RAP1GDS1: variants seen among roughly 807,000 people sequenced by gnomAD.
The protein encoded by RAP1GDS1 is RAP1, GTP-GDP dissociation stimulator 1.
Under a neutral mutation model 71.1 loss-of-function variants are expected in RAP1GDS1, and 35 were observed. That is an observed-to-expected ratio of 0.49 (90% CI 0.38 to 0.65). RAP1GDS1 has a LOEUF of 0.65. RAP1GDS1 is among the 30% of genes least tolerant of loss of function. The pLI is 0.00. For synonymous variants in RAP1GDS1, 229 were observed against 243.1 expected (o/e 0.94, Z 0.54); for missense variants, 663 against 706.1 (o/e 0.94, Z 0.69).
chr4:98,411,927 G>A (rs760642338), intron 7 of RAP1GDS1, among the ~76,000 whole-genome samples: 11 of 152,194 alleles, frequency 7.2e-5, no homozygotes, highest in Admixed American at 1.3e-4. Context: ...CCAAGGAAAC[G>A]CCCTACTTTT....
In RAP1GDS1 at chr4:98,418,732, A is replaced by T. The variant is rs777696973; in HGVS notation, c.1115A>T (p.Asp372Val). Reference sequence around the variant, plus strand: ...GATTTACTGGACAGACATGTAGAAGATGGAAATGTAACAGTACAGCATGCA... The same window carrying T: ...GATTTACTGGACAGACATGTAGAAGTTGGAAATGTAACAGTACAGCATGCA... ...LMDLLDRHVE[D>V]GNVTVQHAAL... Residue 372 changes from aspartate to valine, a missense_variant, in exon 10 of 15, where the codon GAT (aspartate) becomes GTT (valine). Asp to Val is a radical substitution (Grantham distance 152, BLOSUM62 -3). Transcript: ENST00000408927. 3.1e-6 allele frequency: 5 copies of T among 1,613,002 alleles called. No homozygotes were observed. Among genetic ancestry groups the T allele is most frequent in the Admixed American group, 3.3e-5 (2 of 59,894 alleles).
chr4:98,385,612 C>T lies in RAP1GDS1; in HGVS notation c.509-6340C>T, dbSNP rs562263597. ...TGTTTTTTTAACTATAAGTAAAATC[C>T]AGTTAATACTGTACTGCCTATATTG... On this transcript the variant is annotated intron_variant, in intron 5 of 14. Coordinates refer to ENST00000408927, the MANE Select transcript of RAP1GDS1 (RefSeq NM_001100427.2). Among the ~76,000 whole-genome samples, 3 of 151,810 alleles carry T rather than the reference C, an allele frequency of 2.0e-5. 1 individual carries two copies. In the East Asian group the frequency reaches 5.8e-4, roughly 29 times the overall value.
intron 3 of RAP1GDS1, among the ~76,000 whole-genome samples, chr4:98,344,597 G>C (rs1410744462): frequency 6.6e-6 from 1 of 151,974 alleles, no homozygotes; most frequent in African/African-American, 2.4e-5. Context: ...ACTCTGCTTT[G>C]AAGAGTTTCT....
chr4:98,355,025 T>A (rs1737744974), intron 4 of RAP1GDS1, among the ~76,000 whole-genome samples: 2 of 152,232 alleles, frequency 1.3e-5, no homozygotes, highest in South Asian at 4.1e-4. Flanking sequence ...GTGATTTTTC[T>A]AGAATGATTG....
intron 2 of RAP1GDS1, among the ~76,000 whole-genome samples, chr4:98,322,150 A>G (rs1732039963): frequency 1.1e-5 from 1 of 92,216 alleles, no homozygotes; most frequent in Non-Finnish European, 2.2e-5. Flanking sequence ...CTTTAAACCA[A>G]CAAAGATCAA....
intron 4 of RAP1GDS1, among the ~76,000 whole-genome samples, chr4:98,370,583 T>TA (rs1263895582): frequency 6.6e-6 from 1 of 151,268 alleles, no homozygotes; most frequent in East Asian, 1.9e-4. Flanking sequence ...TTTTTTTTTT[T>TA]AACAGAGTCT....
At chr4:98,344,072 A>G (rs1324143678) in intron 3 of RAP1GDS1, among the ~76,000 whole-genome samples, 6 of 152,300 alleles carry the variant, frequency 3.9e-5, no homozygotes, top group African/African-American at 1.4e-4. Context: ...GTACCAGTAT[A>G]TGTTGGTTTG....
At chr4:98,279,947 T>C (rs1289823971) in intron 1 of RAP1GDS1, among the ~76,000 whole-genome samples, 1 of 152,252 alleles carries the variant, frequency 6.6e-6, no homozygotes, top group Non-Finnish European at 1.5e-5. Context: ...CTCATCCTCT[T>C]TTATGGCTGC....
chr4:98,386,464 G>A (rs1046962877), intron 5 of RAP1GDS1, among the ~76,000 whole-genome samples: 1 of 151,696 alleles, frequency 6.6e-6, no homozygotes, highest in African/African-American at 2.4e-5. Flanking sequence ...TCAGAACCCA[G>A]AAAGAACCTT....
At chr4:98,327,927 T>C (rs2110359207) in intron 2 of RAP1GDS1, among the ~76,000 whole-genome samples, 1 of 152,318 alleles carries the variant, frequency 6.6e-6, no homozygotes, top group African/African-American at 2.4e-5. Context: ...GAGTTGTACT[T>C]CTGCAAAAAT....
chr4:98,282,524 C>A (rs59725407), intron 1 of RAP1GDS1, among the ~76,000 whole-genome samples: 4 of 150,224 alleles, frequency 2.7e-5, no homozygotes, highest in Admixed American at 6.6e-5. Context: ...GTCTTGCTAG[C>A]GGTCTATCAA....
At chr4:98,395,848 G>A (rs960744351) in intron 6 of RAP1GDS1, 18 of 152,156 alleles carry the variant, frequency 1.2e-4, no homozygotes, top group African/African-American at 4.3e-4. Context: ...TGGGAAATGG[G>A]AGTGTATGAA....
intron 12 of RAP1GDS1, among the ~76,000 whole-genome samples, chr4:98,426,781 A>C (rs1455081453): frequency 2.0e-5 from 3 of 152,194 alleles, no homozygotes; most frequent in Admixed American, 2.0e-4. Flanking sequence ...GCTGAATTCC[A>C]CCAGACATTC....
intron 1 of RAP1GDS1, among the ~76,000 whole-genome samples, chr4:98,265,844 G>C (rs1722653179): frequency 6.6e-6 from 1 of 152,112 alleles, no homozygotes; most frequent in African/African-American, 2.4e-5. Context: ...GATAGGGACT[G>C]AGAACAGGCT....
At chr4:98,343,441 C>G (rs985020978) in intron 3 of RAP1GDS1, 180 bp downstream of exon 3, 2 of 690,470 alleles carry the variant, frequency 2.9e-6, no homozygotes, top group African/African-American at 1.8e-5. Flanking sequence ...GTCATTCATA[C>G]CTGTCCCATC....
chr4:98,388,694 C>T (rs1367912015), intron 5 of RAP1GDS1, among the ~76,000 whole-genome samples: 1 of 152,160 alleles, frequency 6.6e-6, no homozygotes, highest in Non-Finnish European at 1.5e-5. Flanking sequence ...CCACCGCACT[C>T]CAGCCTGAGC....
At chr4:98,439,915 A>T (rs562730391) in intron 14 of RAP1GDS1, among the ~76,000 whole-genome samples, 1 of 152,198 alleles carries the variant, frequency 6.6e-6, no homozygotes, top group Admixed American at 6.5e-5. Flanking sequence ...TTGCTGTGCA[A>T]TCATCACCAG....
rs397994660 is a variant in RAP1GDS1 at position 98,443,015 on chromosome 4, ATTTTTT to A, written c.*916_*921del. On this transcript the variant is annotated 3_prime_UTR_variant, in exon 15 of 15. Coordinates refer to ENST00000408927, the MANE Select transcript of RAP1GDS1 (RefSeq NM_001100427.2). ...TGAGTATAGTTCATTGAAGAATGGA[ATTTTTT>A]TTTTTTTTTTTTTTTTTGCTGTTTT... 4.3e-5 allele frequency: 6 copies of A among 138,338 alleles called. No homozygotes were observed. Among genetic ancestry groups the A allele is most frequent in the Non-Finnish European group, 8.0e-5 (6 of 75,088 alleles). 8.6% of individuals were successfully genotyped at this position (138,338 alleles called of 1,614,324 possible). A position where few individuals can be genotyped will look rare whatever the true frequency, so the allele number is the denominator to read the frequency against.
intron 2 of RAP1GDS1, among the ~76,000 whole-genome samples, chr4:98,305,823 C>T (rs1729238041): frequency 6.6e-6 from 1 of 152,092 alleles, no homozygotes; most frequent in Non-Finnish European, 1.5e-5. Flanking sequence ...TGAATGTTAC[C>T]ATTTTTGCTT....
Sources: gnomAD v4.1 joint callset for allele counts (sites outside exome capture counted in the v4.1 genomes callset) on GRCh38, gnomAD v4.1.1 for gene constraint, MANE v1.5 for transcripts, NCBI Gene and HGNC (gene_info 2026-07-23, HGNC 2026-07-21) for gene names.